Variants in PTPRA observed in about 807,000 individuals in gnomAD.
The protein encoded by PTPRA is protein tyrosine phosphatase receptor type A, also known as receptor-type tyrosine-protein phosphatase alpha.
In PTPRA, 25 loss-of-function variants were observed where a neutral mutation model predicts 104.8. The ratio of observed to expected loss-of-function variants is 0.24; its 90% CI spans 0.17 to 0.33. The LOEUF (loss-of-function observed/expected upper bound fraction) is 0.33, where lower values mean the gene tolerates loss of function less well. Ranked by LOEUF, PTPRA falls within the 10% of genes least tolerant of loss-of-function variation. The pLI, the probability that PTPRA is intolerant of heterozygous loss-of-function variation, is 1.00. For synonymous variants in PTPRA, 323 were observed against 368.9 expected, an observed-to-expected ratio of 0.88 and a Z score of 1.43; for missense variants, 765 against 1,015.3, an observed-to-expected ratio of 0.75 and a Z score of 3.35.
intron 9 of PTPRA, among the ~76,000 whole-genome samples, chr20:3,002,588 A>G (rs369306097): frequency 4.3e-4 from 65 of 152,194 alleles, no homozygotes; most frequent in African/African-American, 1.5e-3. Flanking sequence ...CGGCCTCCCA[A>G]AGTGCTGGGA....
intron 6 of PTPRA, among the ~76,000 whole-genome samples, chr20:2,981,590 G>C (rs1437760011): frequency 1.3e-5 from 2 of 152,218 alleles, no homozygotes; most frequent in Non-Finnish European, 2.9e-5. Context: ...TGCAGCATAT[G>C]TTTTGTAAAA....
rs535488430 is a variant in PTPRA at position 2,973,538 on chromosome 20, T to C, written c.416-1677T>C. Among the ~76,000 whole-genome samples the C allele has an allele frequency of 1.6e-3, 251 of 152,324 alleles. 1 individual carries two copies. The highest frequency in any genetic ancestry group is 1.0e-3 in the Non-Finnish European group (71 of 68,020). On this transcript the variant is annotated intron_variant, in intron 5 of 23. Transcript: ENST00000399903. Reference sequence around the variant, plus strand: ...GAGGTAGACAGGGCCTTCGTCTCAGTAGGGACCAAATTCCTTTCCTCTTGT... The same window carrying C: ...GAGGTAGACAGGGCCTTCGTCTCAGCAGGGACCAAATTCCTTTCCTCTTGT...
In PTPRA at chr20:3,035,443, C is replaced by A; in HGVS notation, c.1921-142C>A. On this transcript the variant is annotated intron_variant, in intron 20 of 23. Coordinates refer to ENST00000399903, the MANE Select transcript of PTPRA (RefSeq NM_001385305.1). This position sits in a 1 kb window ranked among gnomAD's most constrained non-coding sequence, Gnocchi z 5.8. ...ATTGGAATGATGTGATATAATGATC[C>A]TGCAAGTTTTCAATACCTTGGGGAC... The A allele has an allele frequency of 3.2e-6, 3 of 941,808 alleles. No homozygotes were observed. Among genetic ancestry groups the A allele is most frequent in the East Asian group, 5.1e-5 (2 of 38,900 alleles). 58.3% of individuals were successfully genotyped at this position (941,808 alleles called of 1,614,324 possible). A position where few individuals can be genotyped will look rare whatever the true frequency, so the allele number is the denominator to read the frequency against.
chr20:2,930,787 G>A (rs1167696115), intron 2 of PTPRA, among the ~76,000 whole-genome samples: 1 of 152,060 alleles, frequency 6.6e-6, no homozygotes, highest in Non-Finnish European at 1.5e-5. Flanking sequence ...CATCTTCAAC[G>A]ACCCTATTTC....
intron 9 of PTPRA, among the ~76,000 whole-genome samples, chr20:2,993,474 A>G (rs1256520259): frequency 1.3e-5 from 2 of 152,222 alleles, no homozygotes; most frequent in Non-Finnish European, 2.9e-5. Context: ...CCAGATCACA[A>G]CACAGAAAGG....
intron 1 of PTPRA, among the ~76,000 whole-genome samples, chr20:2,878,265 G>A (rs1212183783): frequency 1.3e-5 from 2 of 152,174 alleles, no homozygotes; most frequent in Non-Finnish European, 2.9e-5. Flanking sequence ...CCTGGCTGGA[G>A]TGCAGTGGCA....
chr20:2,976,374 A>G (rs984742666), intron 6 of PTPRA, among the ~76,000 whole-genome samples: 3 of 152,252 alleles, frequency 2.0e-5, no homozygotes, highest in Admixed American at 2.0e-4. Context: ...AAGATGAAAC[A>G]TAAGATCTGT....
chr20:2,869,415 G>A (rs1336584789), upstream of PTPRA, among the ~76,000 whole-genome samples: 1 of 152,036 alleles, frequency 6.6e-6, no homozygotes, highest in Non-Finnish European at 1.5e-5. Flanking sequence ...AGATGTATAA[G>A]CCTATGAATT....
intron 2 of PTPRA, among the ~76,000 whole-genome samples, chr20:2,934,071 G>A (rs1480927447): frequency 1.3e-5 from 2 of 152,018 alleles, no homozygotes; most frequent in Non-Finnish European, 2.9e-5. Flanking sequence ...TTTTTGCTGA[G>A]TAGTTCAGCA....
chr20:3,035,491 G>A lies in PTPRA; in HGVS notation c.1921-94G>A. The A allele has an allele frequency of 1.4e-6, 2 of 1,406,708 alleles. No individual in the cohort carries two copies. Among genetic ancestry groups the A allele is most frequent in the Non-Finnish European group, 2.0e-6 (2 of 1,016,758 alleles). 87.1% of individuals were successfully genotyped at this position (1,406,708 alleles called of 1,614,324 possible). ...GACGAAGCGTATCAGCGTAAGAGGT[G>A]GCTGTACTGAGAGGGGTCAGGCTGC... On this transcript the variant is annotated intron_variant, in intron 20 of 23. Coordinates refer to ENST00000399903, the MANE Select transcript of PTPRA (RefSeq NM_001385305.1). This position sits in a 1 kb window ranked among gnomAD's most constrained non-coding sequence, Gnocchi z 5.8.
intron 2 of PTPRA, among the ~76,000 whole-genome samples, chr20:2,939,058 C>G (rs1419577939): frequency 5.3e-5 from 8 of 152,288 alleles, no homozygotes; most frequent in African/African-American, 1.9e-4. Context: ...CATACCCTGT[C>G]CCACTTTTGT....
At chr20:2,869,404 C>T (rs939075571), upstream of PTPRA, among the ~76,000 whole-genome samples, 6 of 152,108 alleles carry the variant, frequency 3.9e-5, no homozygotes, top group African/African-American at 1.2e-4. Context: ...TAAGTTTTGA[C>T]AGATGTATAA....
intron 1 of PTPRA, among the ~76,000 whole-genome samples, chr20:2,901,690 A>G (rs1054308309): frequency 6.6e-6 from 1 of 152,126 alleles, no homozygotes; most frequent in African/African-American, 2.4e-5. Flanking sequence ...TAATTTGGAA[A>G]AATCTTCCGT....
At chr20:2,961,147 A>G (rs1023376491) in intron 3 of PTPRA, among the ~76,000 whole-genome samples, 4 of 152,194 alleles carry the variant, frequency 2.6e-5, no homozygotes, top group African/African-American at 9.7e-5. Context: ...GTTAAATACC[A>G]AGGAGCACAA....
At chr20:2,866,396 C>T in the PTPRA span, 1 of 1,614,046 alleles carries the variant, frequency 6.2e-7, no homozygotes, top group Non-Finnish European at 8.5e-7. Flanking sequence ...CTTGAGCAGC[C>T]CCAACACCAC....
chr20:3,001,483 G>C (rs2063623923), intron 9 of PTPRA, among the ~76,000 whole-genome samples: 1 of 152,182 alleles, frequency 6.6e-6, no homozygotes, highest in Non-Finnish European at 1.5e-5. Context: ...CCCTACGTCT[G>C]TTCTACATTT....
At chr20:3,008,171 C>T (rs902518368) in intron 11 of PTPRA, among the ~76,000 whole-genome samples, 1 of 152,172 alleles carries the variant, frequency 6.6e-6, no homozygotes, top group African/African-American at 2.4e-5. Context: ...TTTCCACTTG[C>T]ATGTTTATAG....
chr20:2,996,802 CT>C (rs1444745895), intron 9 of PTPRA, among the ~76,000 whole-genome samples: 2 of 152,074 alleles, frequency 1.3e-5, no homozygotes, highest in Non-Finnish European at 2.9e-5. Flanking sequence ...ATTTAAAAAG[CT>C]TTATATCAAA....
At position 3,027,749 on chromosome 20, in the gene PTPRA, C is replaced by T. The variant is rs1326117991; in HGVS notation, c.1828C>T (p.Leu610Phe). 6.2e-7 allele frequency: 1 copy of T among 1,614,050 alleles called. No homozygotes were observed. The highest frequency in any genetic ancestry group is 8.5e-7 in the Non-Finnish European group (1 of 1,180,040). The change falls in exon 20 of 24, where the codon CTT becomes TTT. Residue 610 changes from leucine to phenylalanine, a missense_variant. Coordinates refer to ENST00000399903, the MANE Select transcript of PTPRA (RefSeq NM_001385305.1). ...CTCCTATATCGCCAGCCAGGGCCCT[C>T]TTCTCCACACAATTGAGGACTTCTG... is the stretch of plus-strand genomic sequence containing the variant. The part of the protein sequence containing the change: ...KDSYIASQGP[L>F]LHTIEDFWRM...
Sources: gnomAD v4.1 joint callset for allele counts (sites outside exome capture counted in the v4.1 genomes callset) on GRCh38, gnomAD v4.1.1 for gene constraint, Gnocchi (gnomAD v3.1) non-coding constraint, MANE v1.5 for transcripts, NCBI Gene and HGNC (gene_info 2026-07-23, HGNC 2026-07-21) for gene names.